AP3B1: variants seen among roughly 807,000 people sequenced by gnomAD.
AP3B1 encodes adaptor related protein complex 3 subunit beta 1, also known as AP-3 complex subunit beta-1.
AP3B1 carries 61 observed loss-of-function variants against 132.5 expected under a neutral mutation model. The observed-to-expected ratio is 0.46, with a 90% confidence interval of 0.37 to 0.57. The LOEUF is 0.57. AP3B1 is among the 20% of genes least tolerant of loss of function. AP3B1 has a pLI of 0.00. For synonymous variants in AP3B1, 388 were observed against 438.3 expected, an observed-to-expected ratio of 0.89 and a Z score of 1.43; for missense variants, 1,120 against 1,289.4, an observed-to-expected ratio of 0.87 and a Z score of 2.01.
At chr5:78,278,574 G>T (rs1201293411) in intron 1 of AP3B1, among the ~76,000 whole-genome samples, 2 of 75,180 alleles carry the variant, frequency 2.7e-5, no homozygotes, top group South Asian at 5.1e-4. Flanking sequence ...ACTCCAGCCT[G>T]GGCGACAGAG....
At chr5:78,274,400 G>C (rs1045125082) in intron 1 of AP3B1, among the ~76,000 whole-genome samples, 2 of 151,032 alleles carry the variant, frequency 1.3e-5, no homozygotes, top group African/African-American at 4.9e-5. Flanking sequence ...AGGCATATGA[G>C]ATAAAGGTAA....
chr5:78,180,930 T>G (rs1744339232), intron 8 of AP3B1, among the ~76,000 whole-genome samples: 2 of 151,860 alleles, frequency 1.3e-5, no homozygotes, highest in Non-Finnish European at 2.9e-5. Flanking sequence ...AACAAAAAGG[T>G]GTCGAACAAA....
chr5:78,127,979 C>T (rs1052220364), intron 17 of AP3B1, 51 bp downstream of exon 17: 1 of 1,600,910 alleles, frequency 6.2e-7, no homozygotes, highest in Admixed American at 1.7e-5. Flanking sequence ...AATAGCTATC[C>T]TAGAGTCTTC....
At chr5:78,288,648 G>C (rs1327850555) in intron 1 of AP3B1, among the ~76,000 whole-genome samples, 1 of 152,178 alleles carries the variant, frequency 6.6e-6, no homozygotes, top group Non-Finnish European at 1.5e-5. Flanking sequence ...TGGCTAATGA[G>C]AGAGCAAATG....
chr5:78,070,254 A>G (rs2112160779), intron 22 of AP3B1, among the ~76,000 whole-genome samples: 1 of 152,146 alleles, frequency 6.6e-6, no homozygotes, highest in South Asian at 2.1e-4. Context: ...TAAAAATACA[A>G]AAATTAGCCA....
chr5:78,020,819 T>A (rs757192302), intron 24 of AP3B1, 30 bp from the exon 25 acceptor site: 1 of 1,524,158 alleles, frequency 6.6e-7, no homozygotes, highest in Non-Finnish European at 9.1e-7. Flanking sequence ...GCTGACTAAA[T>A]GCTTCATAAA....
chr5:78,253,576 T>C (rs1747726229), intron 2 of AP3B1, among the ~76,000 whole-genome samples: 1 of 152,126 alleles, frequency 6.6e-6, no homozygotes, highest in Admixed American at 6.5e-5. Flanking sequence ...GCACCAATTC[T>C]GGAAAAAGAG....
At chr5:78,094,367 T>C (rs1750680070) in intron 21 of AP3B1, among the ~76,000 whole-genome samples, 1 of 152,158 alleles carries the variant, frequency 6.6e-6, no homozygotes, top group African/African-American at 2.4e-5. Flanking sequence ...CTAAAGAAAC[T>C]GTGGAAGTTT....
At chr5:78,119,013 C>T (rs1336947871) in intron 17 of AP3B1, among the ~76,000 whole-genome samples, 2 of 152,182 alleles carry the variant, frequency 1.3e-5, no homozygotes, top group Non-Finnish European at 2.9e-5. Flanking sequence ...ATTTGCAGTT[C>T]ACCAATATCC....
At chr5:78,268,243 C>T (rs1195816136) in intron 1 of AP3B1, among the ~76,000 whole-genome samples, 1 of 152,040 alleles carries the variant, frequency 6.6e-6, no homozygotes, top group Admixed American at 6.5e-5. Context: ...TCACAGGTAA[C>T]AGAAAAGGGA....
intron 26 of AP3B1, among the ~76,000 whole-genome samples, chr5:78,013,043 CTT>C (rs1040534071): frequency 6.6e-6 from 1 of 151,904 alleles, no homozygotes; most frequent in Admixed American, 6.6e-5. Context: ...CACTTTTCTT[CTT>C]TCTTTTCTCT....
At chr5:78,221,123 T>C (rs1746162270) in intron 6 of AP3B1, among the ~76,000 whole-genome samples, 1 of 152,062 alleles carries the variant, frequency 6.6e-6, no homozygotes, top group South Asian at 2.1e-4. Flanking sequence ...TTTGGGGACA[T>C]ATACTGGTCC....
chr5:78,058,415 G>A (rs554934918), intron 22 of AP3B1, among the ~76,000 whole-genome samples: 11 of 152,102 alleles, frequency 7.2e-5, no homozygotes, highest in African/African-American at 1.7e-4. Flanking sequence ...CAGGAGAATC[G>A]CTTGAACCCG....
chr5:78,181,640 C>G lies in AP3B1; in HGVS notation c.809G>C (p.Gly270Ala). 6.2e-7 allele frequency: 1 copy of G among 1,612,044 alleles called. No homozygotes were observed. Among genetic ancestry groups the G allele is most frequent in the Non-Finnish European group, 8.5e-7 (1 of 1,179,412 alleles). The change falls in exon 8 of 27, where the codon GGA becomes GCA. Residue 270 changes from glycine (G) to alanine (A), a missense_variant. Physicochemically the swap from Gly to Ala is moderately conservative, Grantham distance 60. Around this residue, in one of 3 missense-constraint regions of AP3B1, gnomAD observed 906 missense variants for 997.1 expected, o/e 0.91. Transcript: ENST00000255194. Reference sequence around the variant, plus strand: ...ATCATCAGATTCGTAGAAATTCTTTCCATTGTCTTCTAATTCATCACCCTA... The same window carrying G: ...ATCATCAGATTCGTAGAAATTCTTTGCATTGTCTTCTAATTCATCACCCTA... The part of the protein sequence containing the change: ...WKEGDELEDN[G>A]KNFYESDDDQ...
chr5:78,275,003 T>C (rs939129364), intron 1 of AP3B1, among the ~76,000 whole-genome samples: 4 of 152,168 alleles, frequency 2.6e-5, no homozygotes, highest in Admixed American at 6.5e-5. Context: ...TTTTAAGTTT[T>C]ACCAGCCATA....
chr5:78,164,396 T>C (rs1207529319), intron 12 of AP3B1, among the ~76,000 whole-genome samples: 2 of 152,094 alleles, frequency 1.3e-5, no homozygotes, highest in Non-Finnish European at 2.9e-5. Flanking sequence ...GTATGTGCCC[T>C]CTATACAACC....
chr5:78,246,914 C>T (rs1470581687), intron 2 of AP3B1, among the ~76,000 whole-genome samples: 3 of 152,038 alleles, frequency 2.0e-5, no homozygotes, highest in Non-Finnish European at 4.4e-5. Context: ...CTGCTCAGAG[C>T]ACTGATTGGA....
intron 1 of AP3B1, among the ~76,000 whole-genome samples, chr5:78,281,753 G>GGATTTATT (rs1245238004): frequency 7.1e-4 from 108 of 152,120 alleles, no homozygotes; most frequent in African/African-American, 2.5e-3. Flanking sequence ...GAGAAAATAG[G>GGATTTATT]GATTTATTTA....
intron 6 of AP3B1, among the ~76,000 whole-genome samples, chr5:78,221,612 G>A (rs1651255993): frequency 6.6e-6 from 1 of 151,242 alleles, no homozygotes; most frequent in East Asian, 1.9e-4. Flanking sequence ...ATTAAAGAAA[G>A]GTAGAAAAAG....
Sources: allele counts gnomAD v4.1 joint callset (sites outside exome capture counted in the v4.1 genomes callset), GRCh38; gene constraint gnomAD v4.1.1; regional missense constraint gnomAD v4.1.1; transcripts MANE v1.5; gene names NCBI Gene and HGNC (gene_info 2026-07-23, HGNC 2026-07-21).